The following CHD2 variants were observed in gnomAD, a reference collection of about 807,000 sequenced individuals.
CHD2 encodes ATP-dependent chromatin remodeler CHD2.
CHD2 carries 28 observed loss-of-function variants against 243.9 expected under a neutral mutation model. The ratio of observed to expected loss-of-function variants is 0.11; its 90% CI spans 0.09 to 0.16. CHD2 has a LOEUF of 0.16. CHD2 is among the 10% of genes least tolerant of loss of function. The pLI, the probability that CHD2 is intolerant of heterozygous loss-of-function variation, is 1.00. For missense variants in CHD2, 1,386 were observed against 2,209.8 expected, an observed-to-expected ratio of 0.63 and a Z score of 7.47; for synonymous variants, 775 against 779.0, an observed-to-expected ratio of 0.99 and a Z score of 0.09.
At chr15:92,954,856 C>T (rs1236905631) in intron 14 of CHD2, among the ~76,000 whole-genome samples, 1 of 152,192 alleles carries the variant, frequency 6.6e-6, no homozygotes, top group African/African-American at 2.4e-5. Context: ...AGTCTTCGTG[C>T]TTGCTGAGTG....
chr15:92,975,377 G>A (rs575413960), intron 20 of CHD2, among the ~76,000 whole-genome samples: 3 of 152,132 alleles, frequency 2.0e-5, no homozygotes, highest in Non-Finnish European at 2.9e-5. Context: ...TCTTGCTCTC[G>A]CTAACAGCAA....
At chr15:93,011,318 A>G (rs141477435) in intron 35 of CHD2, among the ~76,000 whole-genome samples, 1 of 152,312 alleles carries the variant, frequency 6.6e-6, no homozygotes, top group African/African-American at 2.4e-5. Context: ...GTGCGTGAAG[A>G]GTAGTCAGGA....
intron 37 of CHD2, among the ~76,000 whole-genome samples, chr15:93,019,699 T>G (rs2054507525): frequency 6.6e-6 from 1 of 152,110 alleles, no homozygotes; most frequent in Non-Finnish European, 1.5e-5. Context: ...CTTGGGAAGC[T>G]GAGGCGGGCG....
At chr15:93,019,890 G>A (rs2054511276) in intron 37 of CHD2, 122 bp from the exon 38 acceptor site, 26 of 1,152,740 alleles carry the variant, frequency 2.3e-5, no homozygotes, top group Non-Finnish European at 3.0e-5. Context: ...CTAAGATCGT[G>A]CCACTGCACT....
At chr15:92,965,448 CAGGAGGCTGATG>C (rs147617187) in intron 16 of CHD2, 9,765 of 151,414 alleles carry the variant, frequency 0.064, 448 homozygotes, top group South Asian at 0.11. Flanking sequence ...TCCAGCTGCT[CAGGAGGCTGATG>C]CAGGAGAATG....
chr15:93,007,258 A>G (rs951979926), intron 34 of CHD2, among the ~76,000 whole-genome samples: 4 of 152,244 alleles, frequency 2.6e-5, no homozygotes, highest in Non-Finnish European at 2.9e-5. Context: ...TCTGAGGACT[A>G]TGAAATACTG....
intron 17 of CHD2, among the ~76,000 whole-genome samples, chr15:92,970,257 G>A (rs771441793): frequency 6.6e-6 from 1 of 151,982 alleles, no homozygotes; most frequent in Non-Finnish European, 1.5e-5. Flanking sequence ...GCTGGAGTGT[G>A]ATTGTGTGAT....
At chr15:93,011,256 G>A (rs770257788) in intron 35 of CHD2, among the ~76,000 whole-genome samples, 9 of 152,272 alleles carry the variant, frequency 5.9e-5, no homozygotes, top group African/African-American at 7.2e-5. Context: ...GAAACTGTTC[G>A]TCATGAGGCA....
rs1198195096 is a variant in CHD2 at position 92,992,909 on chromosome 15, A to T, written c.3506A>T (p.Asp1169Val). 6.2e-7 allele frequency: 1 copy of T among 1,614,126 alleles called. No individual in the cohort carries two copies. Among genetic ancestry groups the T allele is most frequent in the Non-Finnish European group, 8.5e-7 (1 of 1,180,022 alleles). ...GAGCTGGTAGATAAGTCGGTGGCAG[A>T]TCTGAAGCGCCTGGGTGAACTGATC... ...DAELVDKSVA[D>V]LKRLGELIHN... The change falls in exon 28 of 39, where the codon GAT becomes GTT. Residue 1169 changes from aspartate (D) to valine (V), a missense_variant. Physicochemically the swap from Asp to Val is radical, Grantham distance 152. Coordinates refer to ENST00000394196, the MANE Select transcript of CHD2 (RefSeq NM_001271.4).
In CHD2 at chr15:92,981,468, C is replaced by A; in HGVS notation, c.3066+11C>A. ...CTATCACAGTTTAAGGTATGAAGAT[C>A]TTTGTGGGAGAGAGTTCTCAGCATT... On this transcript the variant is annotated intron_variant, in intron 24 of 38. Transcript: ENST00000394196. 1 of 1,597,294 alleles carries A rather than the reference C, an allele frequency of 6.3e-7. No homozygotes were observed. Among genetic ancestry groups the A allele is most frequent in the Non-Finnish European group, 8.6e-7 (1 of 1,165,408 alleles).
rs2054203811 is a variant in CHD2, at chr15:92,997,651, A to G, written c.3885+248A>G. 1.3e-5 allele frequency: 4 copies of G among 311,556 alleles called. No homozygotes were observed. The South Asian group carries it at 3.3e-4, about 26-fold the overall frequency. 19.3% of individuals were successfully genotyped at this position (311,556 alleles called of 1,614,324 possible). On this transcript the variant is annotated intron_variant, in intron 30 of 38. Transcript: ENST00000394196. This position sits in a 1 kb window ranked among gnomAD's most constrained non-coding sequence, Gnocchi z 4.1. ...AATCTTAAAATTCTGGTATTTAATT[A>G]TAGGTCAGATTTCATTACAATAAAT...
intron 35 of CHD2, 57 bp from the exon 36 acceptor site, chr15:93,012,288 T>C: frequency 1.6e-6 from 2 of 1,212,502 alleles, no homozygotes; most frequent in Non-Finnish European, 1.2e-6. Context: ...ATGAAGATCA[T>C]AAAAAATTGC....
chr15:92,942,053 C>G, intron 8 of CHD2, 98 bp downstream of exon 8: 1 of 1,182,618 alleles, frequency 8.5e-7, no homozygotes, highest in Non-Finnish European at 1.2e-6. Context: ...TAGTCTACTG[C>G]TGTATTTGTT....
chr15:92,918,441 G>T (rs1219673188), intron 2 of CHD2, among the ~76,000 whole-genome samples: 1 of 152,162 alleles, frequency 6.6e-6, no homozygotes, highest in Non-Finnish European at 1.5e-5. Context: ...ATAATTTTCA[G>T]ATAGTTGTTT....
intron 5 of CHD2, among the ~76,000 whole-genome samples, chr15:92,935,352 A>G (rs773260478): frequency 1.9e-4 from 29 of 152,042 alleles, no homozygotes; most frequent in Non-Finnish European, 3.8e-4. Context: ...GCATTCTTAT[A>G]TTGGGAGATT....
rs1239568061 is a variant in CHD2 at position 92,997,349 on chromosome 15, C to T, written c.3831C>T (p.Gly1277=). 6.2e-7 allele frequency: 1 copy of T among 1,612,226 alleles called. No homozygotes were observed. Among genetic ancestry groups the T allele is most frequent in the Non-Finnish European group, 8.5e-7 (1 of 1,179,426 alleles). Residue 1277 remains glycine, a synonymous_variant, in exon 30 of 39, where the codon GGC becomes GGT. Transcript: ENST00000394196. The surrounding 1 kb of genome is among the most constrained non-coding windows in gnomAD (Gnocchi z 4.1). The part of the protein sequence containing the change: ...SRLLLGIYEH[G]YGNWELIKTD... Reference sequence around the variant, plus strand: ...TGTTGCTGGGGATTTATGAACATGGCTATGGAAACTGGGAGTTAATTAAAA... The same window carrying T: ...TGTTGCTGGGGATTTATGAACATGGTTATGGAAACTGGGAGTTAATTAAAA...
At chr15:92,974,744 A>G in intron 19 of CHD2, 135 bp from the exon 20 acceptor site, 2 of 702,950 alleles carry the variant, frequency 2.8e-6, no homozygotes, top group Non-Finnish European at 2.4e-6. Context: ...CAGCTTCTTC[A>G]TAGCGCTTTG....
At chr15:92,981,489 G>A (rs911912529) in intron 24 of CHD2, 32 bp downstream of exon 24, 12 of 1,516,048 alleles carry the variant, frequency 7.9e-6, no homozygotes, top group Admixed American at 1.7e-5. Flanking sequence ...AGAGTTCTCA[G>A]CATTGATTCA....
chr15:92,961,876 CTTTTTTTT>C (rs3064790), intron 16 of CHD2, among the ~76,000 whole-genome samples: 15 of 78,630 alleles, frequency 1.9e-4, no homozygotes, highest in Middle Eastern at 7.6e-3. Context: ...TTTTTCTTCT[CTTTTTTTT>C]TTTTTTTTTT....
Sources: gnomAD v4.1 joint callset for allele counts (sites outside exome capture counted in the v4.1 genomes callset) on GRCh38, gnomAD v4.1.1 for gene constraint, Gnocchi (gnomAD v3.1) non-coding constraint, MANE v1.5 for transcripts, NCBI Gene and HGNC (gene_info 2026-07-23, HGNC 2026-07-21) for gene names.